Variants in PARD3B observed in about 807,000 individuals in gnomAD.
PARD3B encodes partitioning defective 3 homolog B.
Under a neutral mutation model 130.2 loss-of-function variants are expected in PARD3B, and 103 were observed. The ratio of observed to expected loss-of-function variants is 0.79; its 90% CI spans 0.67 to 0.93. The LOEUF is 0.93. Ranked by LOEUF, PARD3B falls within the 40% of genes least tolerant of loss-of-function variation. The pLI is 0.00. For missense variants in PARD3B, 1,609 were observed against 1,499.2 expected, an observed-to-expected ratio of 1.07 and a Z score of -1.21; for synonymous variants, 583 against 553.2, an observed-to-expected ratio of 1.05 and a Z score of -0.76.
intron 21 of PARD3B, among the ~76,000 whole-genome samples, chr2:205,528,317 G>A (rs2051425731): frequency 6.6e-6 from 1 of 152,098 alleles, no homozygotes; most frequent in Non-Finnish European, 1.5e-5. Context: ...CCTACGTTGT[G>A]CCCAACCTCA....
chr2:204,568,051 T>A (rs2031781365), intron 1 of PARD3B, among the ~76,000 whole-genome samples: 1 of 152,246 alleles, frequency 6.6e-6, no homozygotes, highest in Admixed American at 6.5e-5. Context: ...TTTAAAATAC[T>A]ATTGTAAATC....
intron 2 of PARD3B, among the ~76,000 whole-genome samples, chr2:204,954,364 G>A (rs548590138): frequency 2.0e-5 from 3 of 152,254 alleles, no homozygotes; most frequent in Admixed American, 6.5e-5. Flanking sequence ...GCTATATGCT[G>A]ACCTTTCTGT....
rs1005758404 is a variant in PARD3B, at chr2:205,011,864, A to G, written c.395-35717A>G. 2.0e-5 allele frequency among the ~76,000 whole-genome samples: 3 copies of G among 152,020 alleles called. No homozygotes were observed. Among genetic ancestry groups the G allele is most frequent in the Non-Finnish European group, 4.4e-5 (3 of 68,012 alleles). On this transcript the variant is annotated intron_variant, in intron 3 of 22. Transcript: ENST00000406610. The surrounding 1 kb of genome is among the most constrained non-coding windows in gnomAD (Gnocchi z 4.1). ...TATGCCTGGCATCATTTAGATCAGA[A>G]TTGGTCAGCCTACCCAGAAAATGCA...
chr2:205,551,679 A>C (rs2052652502), intron 21 of PARD3B, among the ~76,000 whole-genome samples: 1 of 152,184 alleles, frequency 6.6e-6, no homozygotes, highest in Non-Finnish European at 1.5e-5. Context: ...CTTGTTTTGC[A>C]ACATCTCTCC....
At chr2:205,467,106 G>T (rs566142967) in intron 20 of PARD3B, among the ~76,000 whole-genome samples, 4 of 152,190 alleles carry the variant, frequency 2.6e-5, no homozygotes, top group African/African-American at 7.2e-5. Context: ...AAGCACAAAG[G>T]TTTCTAGAAT....
intron 10 of PARD3B, among the ~76,000 whole-genome samples, chr2:205,141,658 G>T: frequency 6.6e-6 from 1 of 152,318 alleles, no homozygotes; most frequent in East Asian, 1.9e-4. Context: ...AGTGCAAACA[G>T]GTTACGGTTA....
At chr2:204,791,599 CTT>C (rs891663802) in intron 2 of PARD3B, among the ~76,000 whole-genome samples, 1 of 152,204 alleles carries the variant, frequency 6.6e-6, no homozygotes, top group African/African-American at 2.4e-5. Flanking sequence ...AGAAAGGACT[CTT>C]TTTCAGTGGC....
At chr2:204,665,425 G>C (rs2035980941) in intron 1 of PARD3B, among the ~76,000 whole-genome samples, 1 of 152,082 alleles carries the variant, frequency 6.6e-6, no homozygotes, top group South Asian at 2.1e-4. Flanking sequence ...CACTCCCAAT[G>C]GCAGATTTTC....
At chr2:204,949,531 A>T (rs1389653935) in intron 2 of PARD3B, among the ~76,000 whole-genome samples, 1 of 151,992 alleles carries the variant, frequency 6.6e-6, no homozygotes. Flanking sequence ...CATGTTGCCC[A>T]GGCTAGTCTC....
At chr2:204,562,136 G>C (rs765360018) in intron 1 of PARD3B, among the ~76,000 whole-genome samples, 9 of 152,084 alleles carry the variant, frequency 5.9e-5, no homozygotes, top group Non-Finnish European at 8.8e-5. Context: ...CCTTTGCTGT[G>C]AATGATGCCC....
At chr2:205,185,200 G>A (rs2036024607) in intron 13 of PARD3B, among the ~76,000 whole-genome samples, 1 of 151,848 alleles carries the variant, frequency 6.6e-6, no homozygotes, top group East Asian at 1.9e-4. Context: ...TCCTTATAAG[G>A]CCTTAAACTC....
chr2:204,746,561 T>A (rs1481531668), intron 2 of PARD3B, among the ~76,000 whole-genome samples: 1 of 152,172 alleles, frequency 6.6e-6, no homozygotes, highest in Non-Finnish European at 1.5e-5. Flanking sequence ...TGCCACACTG[T>A]CTTCCACAAT....
chr2:204,733,578 T>A (rs1320221703), intron 2 of PARD3B, among the ~76,000 whole-genome samples: 1 of 150,538 alleles, frequency 6.6e-6, no homozygotes, highest in Non-Finnish European at 1.5e-5. Flanking sequence ...CCTAGAATAG[T>A]AAAAACATTT....
Position 205,244,547 on chromosome 2 carries a change from T to C in PARD3B, c.2141-1231T>C, listed in dbSNP as rs996513026. Among the ~76,000 whole-genome samples the C allele has an allele frequency of 1.1e-4, 16 of 152,274 alleles. No homozygotes were observed. Among genetic ancestry groups the C allele is most frequent in the African/African-American group, 3.9e-4 (16 of 41,552 alleles). ...TAGCCTCATAGAGTGGCTTGGGAAA[T>C]CCTCTCTCTTTCTAATACATTTTCT... is the stretch of plus-strand genomic sequence containing the variant. On this transcript the variant is annotated intron_variant, in intron 15 of 22. Coordinates refer to ENST00000406610, the MANE Select transcript of PARD3B (RefSeq NM_001302769.2). The surrounding 1 kb of genome is among the most constrained non-coding windows in gnomAD (Gnocchi z 4.7).
At position 205,562,081 on chromosome 2, in the gene PARD3B, C is replaced by T. The variant is rs939851578; in HGVS notation, c.3260+8678C>T. 6.6e-6 allele frequency among the ~76,000 whole-genome samples: 1 copy of T among 152,166 alleles called. No homozygotes were observed. Among genetic ancestry groups the T allele is most frequent in the Non-Finnish European group, 1.5e-5 (1 of 68,032 alleles). ...TGTCAACTCAAACTTCCTGAAAATG[C>T]AGAAAGCCCCAGCATGTAATATCAC... On this transcript the variant is annotated intron_variant, in intron 22 of 22. Transcript: ENST00000406610. The surrounding 1 kb of genome is among the most constrained non-coding windows in gnomAD (Gnocchi z 5.4).
chr2:204,997,485 C>T (rs1017228623), intron 3 of PARD3B, among the ~76,000 whole-genome samples: 5 of 152,094 alleles, frequency 3.3e-5, no homozygotes, highest in Non-Finnish European at 7.4e-5. Flanking sequence ...TTCCTAAGTA[C>T]CTGATATTTT....
chr2:204,653,163 T>C (rs1411214662), intron 1 of PARD3B, among the ~76,000 whole-genome samples: 1 of 150,698 alleles, frequency 6.6e-6, no homozygotes, highest in African/African-American at 2.5e-5. Context: ...AGAATAACTA[T>C]TGAGTACTAG....
rs2053270336 is a variant in PARD3B, at chr2:205,564,989, A to G, written c.3260+11586A>G. On this transcript the variant is annotated intron_variant, in intron 22 of 22. Transcript: ENST00000406610. The surrounding 1 kb of genome is among the most constrained non-coding windows in gnomAD (Gnocchi z 4.6). ...CCGAACATGGAATGACATGTTAAAT[A>G]GGTAGGAACCTGGCAATTCTCACGC... Among the ~76,000 whole-genome samples the G allele has an allele frequency of 1.3e-5, 2 of 152,228 alleles. No homozygotes were observed. The highest frequency in any genetic ancestry group is 2.1e-4 in the South Asian group (1 of 4,828).
chr2:204,889,766 G>A lies in PARD3B; in HGVS notation c.223-75386G>A, dbSNP rs185611417. On this transcript the variant is annotated intron_variant, in intron 2 of 22. Transcript: ENST00000406610. ...GTCATTCACAGTGTCAAACTACTTA[G>A]GCTTACTTTTTACATCCAGTTCACC... is the stretch of plus-strand genomic sequence containing the variant. Among the ~76,000 whole-genome samples, 171 of 152,308 alleles carry A rather than the reference G, an allele frequency of 1.1e-3. 1 individual carries two copies. Among genetic ancestry groups the A allele is most frequent in the African/African-American group, 3.8e-3 (160 of 41,564 alleles).
Sources: gnomAD v4.1 joint callset for allele counts (sites outside exome capture counted in the v4.1 genomes callset) on GRCh38, gnomAD v4.1.1 for gene constraint, Gnocchi (gnomAD v3.1) non-coding constraint, MANE v1.5 for transcripts, NCBI Gene and HGNC (gene_info 2026-07-23, HGNC 2026-07-21) for gene names.